SLC4A4: variants seen among roughly 807,000 people sequenced by gnomAD.
SLC4A4 encodes electrogenic sodium bicarbonate cotransporter 1.
A neutral mutation model predicts 111.5 loss-of-function variants in SLC4A4; 27 were observed. That is an observed-to-expected ratio of 0.24 (90% CI 0.18 to 0.33). SLC4A4 has a LOEUF of 0.33. SLC4A4 is among the 10% of genes least tolerant of loss of function. SLC4A4 has a pLI of 1.00. For missense variants in SLC4A4, 909 were observed against 1,315.5 expected, an observed-to-expected ratio of 0.69 and a Z score of 4.78; for synonymous variants, 443 against 463.4, an observed-to-expected ratio of 0.96 and a Z score of 0.57.
intron 18 of SLC4A4, among the ~76,000 whole-genome samples, chr4:71,534,913 A>G (rs1302754541): frequency 6.6e-6 from 1 of 152,154 alleles, no homozygotes; most frequent in African/African-American, 2.4e-5. Context: ...CATTTTAAAA[A>G]TCAGTTATTA....
intron 6 of SLC4A4, among the ~76,000 whole-genome samples, chr4:71,371,263 T>G (rs1731848144): frequency 6.7e-6 from 1 of 148,732 alleles, no homozygotes; most frequent in African/African-American, 2.5e-5. Flanking sequence ...TTTTTTTTTT[T>G]GGTACAGTCT....
At chr4:71,507,015 A>G (rs1249024943) in intron 16 of SLC4A4, among the ~76,000 whole-genome samples, 2 of 152,156 alleles carry the variant, frequency 1.3e-5, no homozygotes, top group Admixed American at 1.3e-4. Context: ...GCAAAGGAGA[A>G]ATCAAATTAT....
chr4:71,101,131 C>A (rs565609489), intron 2 of SLC4A4, among the ~76,000 whole-genome samples: 1 of 152,058 alleles, frequency 6.6e-6, no homozygotes, highest in Non-Finnish European at 1.5e-5. Flanking sequence ...TGGTGGCGGG[C>A]GCCTGTAGTC....
At chr4:71,455,041 C>T (rs973731641) in intron 12 of SLC4A4, among the ~76,000 whole-genome samples, 3 of 152,178 alleles carry the variant, frequency 2.0e-5, no homozygotes, top group South Asian at 2.1e-4. Flanking sequence ...ACTGTGATGA[C>T]GTCTAAGAGC....
chr4:71,497,517 TTGAC>T lies in SLC4A4; in HGVS notation c.1994_1997del (p.Asp665GlyfsTer45). ...CTTCTTCAGTACCATAATACTACCT[TTGAC>T]TGGGCATTTTTGTCGAAGAAGGAGT... On this transcript the variant is annotated frameshift_variant, in exon 16 of 26. Transcript: ENST00000264485. LOFTEE classifies it high-confidence loss of function. 1.2e-6 allele frequency: 2 copies of T among 1,613,388 alleles called. No individual in the cohort carries two copies. Among genetic ancestry groups the T allele is most frequent in the Non-Finnish European group, 1.7e-6 (2 of 1,179,614 alleles).
At chr4:71,504,668 G>GA (rs369575816) in intron 16 of SLC4A4, among the ~76,000 whole-genome samples, 58 of 144,264 alleles carry the variant, frequency 4.0e-4, no homozygotes, top group African/African-American at 1.4e-3. Context: ...TTTCATGGGG[G>GA]GGGGGGTGTT....
Position 71,466,446 on chromosome 4 carries a change from C to A in SLC4A4, c.1500C>A (p.Gly500=), listed in dbSNP as rs373128647. 4 of 1,613,208 alleles carry A rather than the reference C, an allele frequency of 2.5e-6. No homozygotes were observed. Among genetic ancestry groups the A allele is most frequent in the African/African-American group, 1.3e-5 (1 of 74,806 alleles). ...LLGDATDNMQ[G]VLESFLGTAV... is the part of the protein sequence containing the mutation. ...CATCTATATTTTCTTTATTTTAGGG[C>A]GTGTTGGAGAGTTTCCTGGGCACTG... Residue 500 remains glycine (G), a splice_region_variant and synonymous_variant, in exon 13 of 26, where the codon GGC becomes GGA. Coordinates refer to ENST00000264485, the MANE Select transcript of SLC4A4 (RefSeq NM_001098484.3).
At chr4:71,238,579 C>T (rs1719964765) in intron 2 of SLC4A4, among the ~76,000 whole-genome samples, 2 of 152,114 alleles carry the variant, frequency 1.3e-5, no homozygotes, top group African/African-American at 4.8e-5. Context: ...TTGATTGGCA[C>T]CTGAGCTGAC....
In SLC4A4 at chr4:71,563,884, C is replaced by T. The variant is rs1373778642; in HGVS notation, c.3191C>T (p.Ser1064Phe). 2 of 1,600,062 alleles carry T rather than the reference C, an allele frequency of 1.2e-6. No individual in the cohort carries two copies. Among genetic ancestry groups the T allele is most frequent in the Non-Finnish European group, 1.7e-6 (2 of 1,168,152 alleles). The change falls in exon 24 of 26, where the codon TCT becomes TTT. Residue 1064 changes from serine (S) to phenylalanine (F), a missense_variant. By Grantham distance (155) the Ser-to-Phe change is radical. Transcript: ENST00000264485. ...CCTTTCCTAAGCGATAGCAAACCTTCTGACAGTGAGTAGAACTAACCTCTT... is the reference window on the plus strand; with the variant it reads ...CCTTTCCTAAGCGATAGCAAACCTTTTGACAGTGAGTAGAACTAACCTCTT... ...QQPFLSDSKPSDRERSPTFLE... is the reference protein window; with the variant it reads ...QQPFLSDSKPFDRERSPTFLE...
At chr4:71,242,268 G>A (rs968813897) in intron 2 of SLC4A4, among the ~76,000 whole-genome samples, 1 of 152,170 alleles carries the variant, frequency 6.6e-6, no homozygotes, top group Non-Finnish European at 1.5e-5. Context: ...TACACTTATA[G>A]CAGTTTTGCC....
intron 16 of SLC4A4, among the ~76,000 whole-genome samples, chr4:71,508,573 C>A (rs1731626527): frequency 6.6e-6 from 1 of 152,076 alleles, no homozygotes; most frequent in Admixed American, 6.5e-5. Context: ...AAGTTGAATC[C>A]CTGAATAGAC....
intron 1 of SLC4A4, among the ~76,000 whole-genome samples, chr4:71,076,314 G>A (rs939200318): frequency 1.3e-5 from 2 of 151,974 alleles, no homozygotes; most frequent in African/African-American, 2.4e-5. Context: ...GCGGATCAAC[G>A]GAGGCCAGAA....
chr4:71,531,891 C>G (rs1036756153), intron 16 of SLC4A4, among the ~76,000 whole-genome samples, 171 bp from the exon 17 acceptor site: 1 of 151,650 alleles, frequency 6.6e-6, no homozygotes, highest in Non-Finnish European at 1.5e-5. Flanking sequence ...TGTACTAATA[C>G]AAAAACAATT....
chr4:71,564,918 G>C (rs1265490164), intron 24 of SLC4A4, among the ~76,000 whole-genome samples: 1 of 151,726 alleles, frequency 6.6e-6, no homozygotes, highest in Non-Finnish European at 1.5e-5. Flanking sequence ...AGGAATGCAG[G>C]GGCAGCTGAT....
chr4:71,096,827 G>A (rs373397899), intron 2 of SLC4A4, among the ~76,000 whole-genome samples: 11 of 152,114 alleles, frequency 7.2e-5, no homozygotes, highest in East Asian at 1.9e-4. Context: ...AGGCATTGTC[G>A]TTGGATCTTT....
intron 3 of SLC4A4, among the ~76,000 whole-genome samples, chr4:71,295,461 G>T (rs1371434721): frequency 1.3e-5 from 2 of 152,134 alleles, no homozygotes; most frequent in African/African-American, 4.8e-5. Flanking sequence ...CCTAAAAGAG[G>T]AAGCAATCAT....
chr4:71,236,480 C>A, intron 1 of SLC4A4, 96 bp from the exon 2 acceptor site: 2 of 1,102,482 alleles, frequency 1.8e-6, no homozygotes, highest in Non-Finnish European at 2.7e-6. Context: ...ACATGAACAA[C>A]AGCTTGCAGG....
At chr4:71,221,719 G>A (rs1718758562) in intron 1 of SLC4A4, among the ~76,000 whole-genome samples, 1 of 152,190 alleles carries the variant, frequency 6.6e-6, no homozygotes, top group African/African-American at 2.4e-5. Context: ...AGCTAGTTTG[G>A]CAGAAGTTGA....
intron 2 of SLC4A4, among the ~76,000 whole-genome samples, chr4:71,175,062 A>G (rs1461319036): frequency 6.6e-6 from 1 of 152,230 alleles, no homozygotes; most frequent in African/African-American, 2.4e-5. Flanking sequence ...GTATTAATCT[A>G]TCAGGTAGGC....
Sources: gnomAD v4.1 joint callset for allele counts (sites outside exome capture counted in the v4.1 genomes callset) on GRCh38, gnomAD v4.1.1 for gene constraint, MANE v1.5 for transcripts, NCBI Gene and HGNC (gene_info 2026-07-23, HGNC 2026-07-21) for gene names.